The following NAV2 variants were observed in gnomAD, a reference collection of about 807,000 sequenced individuals.
NAV2 encodes neuron navigator 2, also known as helicase, APC down-regulated 1.
In NAV2, 54 loss-of-function variants were observed where a neutral mutation model predicts 223.2. The ratio of observed to expected loss-of-function variants is 0.24; its 90% CI spans 0.19 to 0.30. The LOEUF (loss-of-function observed/expected upper bound fraction) is 0.30. Ranked by LOEUF, NAV2 falls within the 10% of genes least tolerant of loss-of-function variation. The pLI is 1.00. For synonymous variants in NAV2, 1,279 were observed against 1,239.3 expected, an observed-to-expected ratio of 1.03 and a Z score of -0.67; for missense variants, 2,806 against 3,147.5, an observed-to-expected ratio of 0.89 and a Z score of 2.60.
intron 12 of NAV2, among the ~76,000 whole-genome samples, chr11:20,038,229 T>A (rs2056584928): frequency 6.6e-6 from 1 of 152,216 alleles, no homozygotes; most frequent in South Asian, 2.1e-4. Context: ...ATCTTGTAAA[T>A]GTCACATCAG....
rs572289206 is a variant in NAV2 at position 20,115,934 on chromosome 11, G to A, written c.7164+1139G>A. On this transcript the variant is annotated intron_variant, in intron 37 of 37. Transcript: ENST00000349880. ...TCTCAAACAAACAAAAGAAACACCCGGGCCAATAACAGTAGTATTTCTAAT... is the reference window on the plus strand; with the variant it reads ...TCTCAAACAAACAAAAGAAACACCCAGGCCAATAACAGTAGTATTTCTAAT... Among the ~76,000 whole-genome samples the A allele has an allele frequency of 7.9e-5, 12 of 152,078 alleles. No homozygotes were observed. In the South Asian group the frequency reaches 8.3e-4, roughly 11 times the overall value.
chr11:20,037,370 TAAA>T (rs34272740), intron 12 of NAV2, among the ~76,000 whole-genome samples: 9 of 140,278 alleles, frequency 6.4e-5, no homozygotes, highest in Non-Finnish European at 7.8e-5. Flanking sequence ...ACAATAGGGC[TAAA>T]AAAAAAAAAA....
intron 1 of NAV2, among the ~76,000 whole-genome samples, chr11:19,561,993 C>T (rs1176023575): frequency 6.6e-6 from 1 of 152,204 alleles, no homozygotes; most frequent in Non-Finnish European, 1.5e-5. Flanking sequence ...CATTGATGGG[C>T]CTGGGTGTCA....
intron 1 of NAV2, among the ~76,000 whole-genome samples, chr11:19,719,312 C>T (rs75408641): frequency 0.012 from 1,854 of 152,202 alleles, 36 homozygotes; most frequent in African/African-American, 0.043. Context: ...AAATGGAAAA[C>T]GGTCTGTGCA....
At chr11:19,777,171 G>A (rs1160198741) in intron 1 of NAV2, among the ~76,000 whole-genome samples, 1 of 151,010 alleles carries the variant, frequency 6.6e-6, no homozygotes, top group African/African-American at 2.4e-5. Context: ...TTGGACACAG[G>A]GCGAGTTGTT....
chr11:19,704,204 G>A (rs754109374), intron 1 of NAV2, among the ~76,000 whole-genome samples: 5 of 152,060 alleles, frequency 3.3e-5, no homozygotes, highest in African/African-American at 4.8e-5. Flanking sequence ...ATCTTTCCTT[G>A]CCTTATTATT....
At chr11:19,963,290 C>T (rs2048492403) in intron 10 of NAV2, among the ~76,000 whole-genome samples, 3 of 152,178 alleles carry the variant, frequency 2.0e-5, no homozygotes, top group African/African-American at 7.2e-5. Flanking sequence ...GGGGCCAAAG[C>T]TCTGAGAGGT....
intron 1 of NAV2, among the ~76,000 whole-genome samples, chr11:19,415,334 G>T (rs1460965280): frequency 6.6e-6 from 1 of 152,056 alleles, no homozygotes; most frequent in Admixed American, 6.6e-5. Flanking sequence ...CAAATAAACT[G>T]GAAAATCTAG....
At chr11:20,032,241 AGT>A (rs1326153797) in intron 11 of NAV2, among the ~76,000 whole-genome samples, 3 of 152,124 alleles carry the variant, frequency 2.0e-5, no homozygotes, top group African/African-American at 7.2e-5. Context: ...CCTTGTCATA[AGT>A]GTCCCCCACT....
chr11:19,591,752 C>T (rs1027321049), intron 1 of NAV2, among the ~76,000 whole-genome samples: 1 of 152,186 alleles, frequency 6.6e-6, no homozygotes, highest in African/African-American at 2.4e-5. Flanking sequence ...AGGGCTTAGC[C>T]TTGGGAGGAC....
intron 1 of NAV2, among the ~76,000 whole-genome samples, chr11:19,577,728 G>C (rs1369779471): frequency 1.3e-5 from 2 of 152,146 alleles, no homozygotes; most frequent in Admixed American, 1.3e-4. Context: ...GTGTGGGTTG[G>C]GTGGGCATCT....
At chr11:20,087,107 G>A (rs374394840) in intron 26 of NAV2, among the ~76,000 whole-genome samples, 2 of 152,134 alleles carry the variant, frequency 1.3e-5, no homozygotes, top group Non-Finnish European at 2.9e-5. Flanking sequence ...TACAGCTGCC[G>A]GCCAGCAAGG....
intron 1 of NAV2, among the ~76,000 whole-genome samples, chr11:19,682,233 G>A (rs529643477): frequency 4.0e-4 from 61 of 152,314 alleles, no homozygotes; most frequent in Non-Finnish European, 6.8e-4. Context: ...GAAGGGGCTG[G>A]TGATAATACC....
At chr11:19,600,002 G>A (rs1280910049) in intron 1 of NAV2, among the ~76,000 whole-genome samples, 1 of 152,150 alleles carries the variant, frequency 6.6e-6, no homozygotes, top group African/African-American at 2.4e-5. Flanking sequence ...AGTACAAGTA[G>A]TTTATTTGGG....
At chr11:19,776,564 G>A (rs2152634445) in intron 1 of NAV2, among the ~76,000 whole-genome samples, 1 of 148,326 alleles carries the variant, frequency 6.7e-6, no homozygotes, top group Non-Finnish European at 1.5e-5. Flanking sequence ...CGCAGCGTGT[G>A]GGCTGGGGCA....
intron 1 of NAV2, among the ~76,000 whole-genome samples, chr11:19,590,690 A>C (rs1437949385): frequency 6.6e-6 from 1 of 152,204 alleles, no homozygotes; most frequent in African/African-American, 2.4e-5. Context: ...AGAAGTGAGG[A>C]AGGTATTTGA....
At chr11:19,436,803 T>A (rs1004256976) in intron 1 of NAV2, among the ~76,000 whole-genome samples, 1 of 152,140 alleles carries the variant, frequency 6.6e-6, no homozygotes, top group African/African-American at 2.4e-5. Context: ...ATACAGAGCT[T>A]TCATTTCCTG....
chr11:19,968,190 T>TTTTGCTTG (rs2048929862), intron 10 of NAV2, among the ~76,000 whole-genome samples: 1 of 151,978 alleles, frequency 6.6e-6, no homozygotes, highest in Non-Finnish European at 1.5e-5. Flanking sequence ...GTTGATGTAG[T>TTTTGCTTG]TTTGTTTGTT....
chr11:19,819,486 G>A (rs1030425603), intron 1 of NAV2, among the ~76,000 whole-genome samples: 2 of 152,172 alleles, frequency 1.3e-5, no homozygotes, highest in African/African-American at 2.4e-5. Flanking sequence ...AGCCTGGCAG[G>A]CAGGGTTGGC....
Sources: allele counts gnomAD v4.1 joint callset (sites outside exome capture counted in the v4.1 genomes callset), GRCh38; gene constraint gnomAD v4.1.1; transcripts MANE v1.5; gene names NCBI Gene and HGNC (gene_info 2026-07-23, HGNC 2026-07-21).